The following CHLSN variants were observed in gnomAD, a reference collection of about 807,000 sequenced individuals.
The protein encoded by CHLSN is protein cholesin.
the CHLSN span, chr7:1,093,420 C>A: frequency 4.3e-6 from 2 of 461,444 alleles, no homozygotes. Context: ...CTCTGGTGCA[C>A]GCCTGAGCGT....
the CHLSN span, among the ~76,000 whole-genome samples, chr7:1,077,271 T>C: frequency 6.6e-6 from 1 of 152,260 alleles, no homozygotes; most frequent in African/African-American, 2.4e-5. Context: ...TTCTCCTGCC[T>C]CAGCCTCCCA....
At chr7:1,016,469 AT>A in the CHLSN span, among the ~76,000 whole-genome samples, 4 of 130,162 alleles carry the variant, frequency 3.1e-5, no homozygotes, top group Non-Finnish European at 6.5e-5. Context: ...ACGCCAGCAC[AT>A]AGCAGCACAG....
At chr7:1,034,393 T>G in the CHLSN span, among the ~76,000 whole-genome samples, 8 of 69,326 alleles carry the variant, frequency 1.2e-4, no homozygotes, top group East Asian at 8.0e-4. Context: ...AATTTCAGGG[T>G]TTTTTTTTTT....
chr7:1,048,426 GCT>G, the CHLSN span, among the ~76,000 whole-genome samples: 2 of 151,734 alleles, frequency 1.3e-5, no homozygotes, highest in Non-Finnish European at 2.9e-5. Context: ...GCGCTATGAT[GCT>G]CTCTCTCTCT....
chr7:1,016,822 G>GCAGCGCACAGCAGCGCACGC, the CHLSN span, among the ~76,000 whole-genome samples: 2 of 57,942 alleles, frequency 3.5e-5, no homozygotes, highest in Non-Finnish European at 5.9e-5. Context: ...CCAGCGCACA[G>GCAGCGCACAGCAGCGCACGC]CAGCGCACAG....
At chr7:1,101,766 A>AG in the CHLSN span, among the ~76,000 whole-genome samples, 7 of 152,186 alleles carry the variant, frequency 4.6e-5, no homozygotes, top group Admixed American at 3.9e-4. Context: ...CTCTGCAATG[A>AG]GGGGCCGGCC....
At chr7:981,930 G>C in the CHLSN span, among the ~76,000 whole-genome samples, 1 of 152,134 alleles carries the variant, frequency 6.6e-6, no homozygotes, top group Non-Finnish European at 1.5e-5. Context: ...CTATTTGGGA[G>C]GCTGAGGTGG....
chr7:1,062,137 T>C, the CHLSN span, among the ~76,000 whole-genome samples: 3 of 152,256 alleles, frequency 2.0e-5, no homozygotes, highest in African/African-American at 7.2e-5. Context: ...ATCTTATTTT[T>C]GTTTATCCAC....
chr7:1,136,318 A>G, the CHLSN span, among the ~76,000 whole-genome samples: 1 of 103,052 alleles, frequency 9.7e-6, no homozygotes, highest in African/African-American at 4.8e-5. Flanking sequence ...ATATATATAA[A>G]CATAAATATA....
At chr7:1,133,758 A>AG in the CHLSN span, among the ~76,000 whole-genome samples, 16,040 of 151,334 alleles carry the variant, frequency 0.11, 1,551 homozygotes, top group African/African-American at 0.25. Flanking sequence ...TCTCAAAAAA[A>AG]AAAAAAAACA....
At chr7:1,099,917 C>A in the CHLSN span, among the ~76,000 whole-genome samples, 1 of 152,176 alleles carries the variant, frequency 6.6e-6, no homozygotes, top group Admixed American at 6.5e-5. Flanking sequence ...CACGGCAAAC[C>A]CTGAGTAATA....
chr7:1,021,530 T>C, the CHLSN span: 5 of 985,330 alleles, frequency 5.1e-6, no homozygotes, highest in African/African-American at 3.5e-5. Context: ...CAGGGAGCAC[T>C]GTCCATCCAC....
chr7:1,053,506 G>A, the CHLSN span, among the ~76,000 whole-genome samples: 1 of 152,204 alleles, frequency 6.6e-6, no homozygotes, highest in East Asian at 1.9e-4. Flanking sequence ...GTGGTTCTGT[G>A]GGTGCCCCCT....
At chr7:1,057,935 C>T in the CHLSN span, 81 of 774,022 alleles carry the variant, frequency 1.0e-4, 1 homozygote, top group South Asian at 7.5e-4. Flanking sequence ...ACATGGCCAG[C>T]GTGTACAACA....
the CHLSN span, chr7:1,058,338 C>T: frequency 1.3e-6 from 1 of 778,472 alleles, no homozygotes; most frequent in African/African-American, 1.7e-5. Flanking sequence ...GGGGCTACTG[C>T]ACTTTGTGAA....
At chr7:1,072,152 A>C in the CHLSN span, among the ~76,000 whole-genome samples, 1 of 152,140 alleles carries the variant, frequency 6.6e-6, no homozygotes, top group African/African-American at 2.4e-5. Context: ...CCTCCCATGC[A>C]CACAGAGTGC....
chr7:1,065,386 C>T, the CHLSN span, among the ~76,000 whole-genome samples: 1 of 152,268 alleles, frequency 6.6e-6, no homozygotes. Context: ...CAGCTTTGCT[C>T]ATAAGAGCCC....
chr7:1,057,959 C>T, the CHLSN span: 7,039 of 771,994 alleles, frequency 9.1e-3, 59 homozygotes, highest in Non-Finnish European at 0.011. Flanking sequence ...GGCACGTGTG[C>T]GGCTTCGTGT....
At chr7:1,055,183 G>C in the CHLSN span, 2 of 465,940 alleles carry the variant, frequency 4.3e-6, no homozygotes, top group South Asian at 3.1e-5. Context: ...GTCCAAGCAC[G>C]GCCCCTCGTT....
Sources: gnomAD v4.1 joint callset for allele counts (sites outside exome capture counted in the v4.1 genomes callset) on GRCh38, gnomAD v4.1.1 for gene constraint, MANE v1.5 for transcripts, NCBI Gene and HGNC (gene_info 2026-07-23, HGNC 2026-07-21) for gene names.